The following HPSE2 variants were observed in gnomAD, a reference collection of about 807,000 sequenced individuals.
HPSE2 encodes the protein heparanase 2 (inactive).
In HPSE2, 38 loss-of-function variants were observed where a neutral mutation model predicts 60.5. The ratio of observed to expected loss-of-function variants is 0.63; its 90% CI spans 0.48 to 0.82. The LOEUF (loss-of-function observed/expected upper bound fraction) is 0.82, where lower values mean the gene tolerates loss of function less well. Among genes scored for constraint, HPSE2 ranks in the 40% least tolerant of loss-of-function variants. The pLI is 0.00. For synonymous variants in HPSE2, 295 were observed against 293.2 expected, an observed-to-expected ratio of 1.01 and a Z score of -0.06; for missense variants, 713 against 740.4, an observed-to-expected ratio of 0.96 and a Z score of 0.43.
At chr10:99,241,541 G>C in the HPSE2 span, among the ~76,000 whole-genome samples, 1 of 152,112 alleles carries the variant, frequency 6.6e-6, no homozygotes, top group African/African-American at 2.4e-5. Flanking sequence ...AGGATTGCTC[G>C]AGCCCAGGAG....
chr10:99,276,129 T>C, the HPSE2 span, among the ~76,000 whole-genome samples: 3 of 152,206 alleles, frequency 2.0e-5, no homozygotes, highest in Non-Finnish European at 4.4e-5. Flanking sequence ...CCAATAATTA[T>C]GTTGAAAAAT....
chr10:98,668,759 T>C (rs544026271), intron 6 of HPSE2, among the ~76,000 whole-genome samples: 1 of 152,282 alleles, frequency 6.6e-6, no homozygotes, highest in African/African-American at 2.4e-5. Context: ...CAACTCAAGA[T>C]GGATTAAAGA....
intron 9 of HPSE2, among the ~76,000 whole-genome samples, chr10:98,550,528 G>A (rs939879921): frequency 2.7e-5 from 4 of 150,494 alleles, no homozygotes; most frequent in Admixed American, 1.3e-4. Flanking sequence ...GAGTGCAGTG[G>A]CACGATCTCA....
chr10:98,606,974 C>G (rs10883150), intron 9 of HPSE2, among the ~76,000 whole-genome samples: 1 of 151,874 alleles, frequency 6.6e-6, no homozygotes, highest in Non-Finnish European at 1.5e-5. Context: ...TTTGTCATAT[C>G]GTGGCATTCA....
rs192072468 is a variant in HPSE2 at position 98,725,370 on chromosome 10, C to G, written c.785-3542G>C. Among the ~76,000 whole-genome samples the G allele has an allele frequency of 7.8e-3, 1,192 of 152,200 alleles. 8 individuals are homozygous for G. The highest frequency in any genetic ancestry group is 0.028 in the South Asian group (136 of 4,814). ...ACCATCTGATCTTTGACAAACCTGACAAAAACAAGGAATGGGGAAAGGATT... is the reference window on the plus strand; with the variant it reads ...ACCATCTGATCTTTGACAAACCTGAGAAAAACAAGGAATGGGGAAAGGATT... On this transcript the variant is annotated intron_variant, in intron 4 of 11. Transcript: ENST00000370552.
At chr10:99,142,148 G>A (rs959750614) in intron 3 of HPSE2, among the ~76,000 whole-genome samples, 4 of 152,148 alleles carry the variant, frequency 2.6e-5, no homozygotes, top group East Asian at 1.9e-4. Context: ...GAATGTGCTG[G>A]TAAAGAAAGT....
At chr10:98,640,663 G>A (rs1390356270) in intron 7 of HPSE2, among the ~76,000 whole-genome samples, 1 of 151,992 alleles carries the variant, frequency 6.6e-6, no homozygotes, top group Non-Finnish European at 1.5e-5. Flanking sequence ...TAATTTTTCT[G>A]CAAAGATTTG....
intron 9 of HPSE2, among the ~76,000 whole-genome samples, chr10:98,547,840 C>G (rs1205646563): frequency 6.6e-6 from 1 of 151,542 alleles, no homozygotes; most frequent in Non-Finnish European, 1.5e-5. Flanking sequence ...CAAACACACA[C>G]ACACACACAC....
upstream of HPSE2, among the ~76,000 whole-genome samples, chr10:99,240,031 A>C (rs1262398830): frequency 5.9e-5 from 9 of 152,010 alleles, no homozygotes; most frequent in Admixed American, 4.6e-4. Flanking sequence ...TCTACTAAAA[A>C]TACAAAACTT....
At chr10:98,495,505 A>G (rs992341429) in intron 9 of HPSE2, among the ~76,000 whole-genome samples, 1 of 152,034 alleles carries the variant, frequency 6.6e-6, no homozygotes, top group Admixed American at 6.6e-5. Context: ...GGACTCCCAC[A>G]GTGTGTATAT....
chr10:98,523,021 C>T (rs549733451), intron 9 of HPSE2, among the ~76,000 whole-genome samples: 113 of 152,334 alleles, frequency 7.4e-4, no homozygotes, highest in Non-Finnish European at 1.5e-3. Context: ...CTTAATTCTT[C>T]CTATATGGAT....
At position 99,063,281 on chromosome 10, in the gene HPSE2, T is replaced by C. The variant is rs548731470; in HGVS notation, c.610+80957A>G. Among the ~76,000 whole-genome samples the C allele has an allele frequency of 2.4e-4, 37 of 151,468 alleles. No individual in the cohort carries two copies. In the South Asian group the frequency reaches 6.9e-3, roughly 28 times the overall value. Reference sequence around the variant, plus strand: ...ATTTAACAAAATGTTAGTACCCCAATAATCCAAAAATGCTCCCAAATCAAT... The same window carrying C: ...ATTTAACAAAATGTTAGTACCCCAACAATCCAAAAATGCTCCCAAATCAAT... On this transcript the variant is annotated intron_variant, in intron 3 of 11. Coordinates refer to ENST00000370552, the MANE Select transcript of HPSE2 (RefSeq NM_021828.5).
chr10:98,896,104 A>G (rs956388886), intron 3 of HPSE2, among the ~76,000 whole-genome samples: 1 of 151,984 alleles, frequency 6.6e-6, no homozygotes, highest in South Asian at 2.1e-4. Context: ...AAAAAAAGAA[A>G]AAAAAAACCT....
intron 10 of HPSE2, 68 bp from the exon 11 acceptor site, chr10:98,482,850 T>C: frequency 6.5e-7 from 1 of 1,527,114 alleles, no homozygotes; most frequent in Non-Finnish European, 9.1e-7. Context: ...TTCTAAATAA[T>C]TTATAGACTG....
At chr10:98,642,909 C>T (rs1217342668) in intron 6 of HPSE2, among the ~76,000 whole-genome samples, 1 of 152,186 alleles carries the variant, frequency 6.6e-6, no homozygotes, top group Non-Finnish European at 1.5e-5. Flanking sequence ...AGCAGCCACC[C>T]ATCACTACAT....
Position 99,071,335 on chromosome 10 carries a change from G to A in HPSE2, c.610+72903C>T, listed in dbSNP as rs368474996. ...TCCACCCACCTCAGCCTCCCAAACT[G>A]CTGGGATTATAGGCATAAGCCGCCG... On this transcript the variant is annotated intron_variant, in intron 3 of 11. Coordinates refer to ENST00000370552, the MANE Select transcript of HPSE2 (RefSeq NM_021828.5). 3.3e-5 allele frequency among the ~76,000 whole-genome samples: 5 copies of A among 152,080 alleles called. No homozygotes were observed. In the East Asian group the frequency reaches 5.8e-4, roughly 18 times the overall value.
intron 6 of HPSE2, among the ~76,000 whole-genome samples, chr10:98,665,337 A>C (rs1039347670): frequency 1.3e-5 from 2 of 152,198 alleles, no homozygotes. Flanking sequence ...AGAAGATAAG[A>C]GAGTAAGCAA....
rs549988003 is a variant in HPSE2 at position 98,817,752 on chromosome 10, C to T, written c.611-73696G>A. On this transcript the variant is annotated intron_variant, in intron 3 of 11. Transcript: ENST00000370552. ...TCAAATTCACCCTTTCAAGCTCCAT[C>T]GGAATAATGAGGTCACTCTACTAAA... is the stretch of plus-strand genomic sequence containing the variant. Among the ~76,000 whole-genome samples the T allele has an allele frequency of 8.5e-5, 13 of 152,270 alleles. No individual in the cohort carries two copies. In the South Asian group the frequency reaches 1.0e-3, roughly 12 times the overall value.
chr10:98,950,040 A>AT lies in HPSE2; in HGVS notation c.610+194197dup, dbSNP rs1230109253. ...CAGCTGATTCCATCCTAGTGTTTTT[A>AT]TTTTTTCTTTATATGGTATCCAGGT... On this transcript the variant is annotated intron_variant, in intron 3 of 11. Transcript: ENST00000370552. 3.3e-5 allele frequency among the ~76,000 whole-genome samples: 5 copies of AT among 152,186 alleles called. No homozygotes were observed. The East Asian group carries it at 9.6e-4, about 29-fold the overall frequency.
Sources: gnomAD v4.1 joint callset for allele counts (sites outside exome capture counted in the v4.1 genomes callset) on GRCh38, gnomAD v4.1.1 for gene constraint, MANE v1.5 for transcripts, NCBI Gene and HGNC (gene_info 2026-07-23, HGNC 2026-07-21) for gene names.